The following ATP8A2 variants were observed in gnomAD, a reference collection of about 807,000 sequenced individuals.
The protein encoded by ATP8A2 is ATPase phospholipid transporting 8A2, also known as phospholipid-transporting ATPase IB.
ATP8A2 carries 100 observed loss-of-function variants against 165.6 expected under a neutral mutation model. That is an observed-to-expected ratio of 0.60 (90% CI 0.51 to 0.71). The LOEUF is 0.71. ATP8A2 is among the 30% of genes least tolerant of loss of function. The pLI, the probability that ATP8A2 is intolerant of heterozygous loss-of-function variation, is 0.00. For missense variants in ATP8A2, 1,227 were observed against 1,479.5 expected (o/e 0.83, Z 2.80); for synonymous variants, 543 against 548.8 (o/e 0.99, Z 0.15).
intron 27 of ATP8A2, among the ~76,000 whole-genome samples, chr13:25,820,646 G>T (rs1342772533): frequency 6.6e-6 from 1 of 152,160 alleles, no homozygotes; most frequent in Non-Finnish European, 1.5e-5. Flanking sequence ...ATTGGGTGGT[G>T]CTGTCTTTTT....
chr13:25,945,403 G>A (rs593922), intron 33 of ATP8A2, among the ~76,000 whole-genome samples: 101,966 of 152,138 alleles, frequency 0.67, 34,400 homozygotes, highest in East Asian at 0.78. Context: ...TGGATGTAAC[G>A]TTATTCATTT....
rs545128949 is a variant in ATP8A2, at chr13:25,453,132, C to G, written c.77-15845C>G. On this transcript the variant is annotated intron_variant, in intron 1 of 36. Transcript: ENST00000381655. ...ATAGTGTTATATGAACGTTTCTTTT[C>G]TTTTCTTTTTGAAACGAAGTTTTCG... 1.4e-3 allele frequency among the ~76,000 whole-genome samples: 215 copies of G among 151,720 alleles called. 1 individual carries two copies. The highest frequency in any genetic ancestry group is 5.0e-3 in the African/African-American group (208 of 41,406).
rs116551355 is a variant in ATP8A2 at position 25,813,435 on chromosome 13, A to G, written c.2680-14683A>G. ...ATGATATGATATATGATGGTATGAT[A>G]TGATATGGTGATATGATGATGTGAT... On this transcript the variant is annotated intron_variant, in intron 27 of 36. Coordinates refer to ENST00000381655, the MANE Select transcript of ATP8A2 (RefSeq NM_016529.6). Among the ~76,000 whole-genome samples, 611 of 144,824 alleles carry G rather than the reference A, an allele frequency of 4.2e-3. 3 individuals carry two copies. Among genetic ancestry groups the G allele is most frequent in the African/African-American group, 0.015 (580 of 39,004 alleles).
intron 25 of ATP8A2, among the ~76,000 whole-genome samples, chr13:25,734,909 G>A (rs914295267): frequency 6.6e-6 from 1 of 152,128 alleles, no homozygotes; most frequent in African/African-American, 2.4e-5. Flanking sequence ...AAAGTGCTGG[G>A]ATTACAGGCG....
intron 2 of ATP8A2, among the ~76,000 whole-genome samples, chr13:25,528,241 G>A (rs2037903819): frequency 6.6e-6 from 1 of 152,060 alleles, no homozygotes; most frequent in African/African-American, 2.4e-5. Context: ...GCTAATTCAG[G>A]GATAGTCTTT....
intron 30 of ATP8A2, among the ~76,000 whole-genome samples, chr13:25,847,548 A>T (rs1951895200): frequency 6.6e-6 from 1 of 152,208 alleles, no homozygotes; most frequent in African/African-American, 2.4e-5. Context: ...TGTTGTAAGA[A>T]GTGTGAGCCA....
chr13:25,801,802 T>C (rs1332468309), intron 27 of ATP8A2, among the ~76,000 whole-genome samples: 1 of 152,176 alleles, frequency 6.6e-6, no homozygotes, highest in East Asian at 1.9e-4. Flanking sequence ...TGACTCATAG[T>C]TCTGCATGGC....
rs1335568694 is a variant in ATP8A2, at chr13:25,750,669, G to A, written c.2385-18377G>A. On this transcript the variant is annotated intron_variant, in intron 25 of 36. Coordinates refer to ENST00000381655, the MANE Select transcript of ATP8A2 (RefSeq NM_016529.6). The surrounding 1 kb of genome is among the most constrained non-coding windows in gnomAD (Gnocchi z 4.3). ...GAAGTGTGGGGAGCCTGGGGGCCCT[G>A]TCGGCAGGTACCTCATATGTGTAGT... 6.6e-6 allele frequency among the ~76,000 whole-genome samples: 1 copy of A among 152,168 alleles called. No homozygotes were observed. Among genetic ancestry groups the A allele is most frequent in the African/African-American group, 2.4e-5 (1 of 41,442 alleles).
chr13:25,683,316 C>T (rs1012347849), intron 24 of ATP8A2, among the ~76,000 whole-genome samples: 2 of 152,158 alleles, frequency 1.3e-5, no homozygotes, highest in Non-Finnish European at 2.9e-5. Flanking sequence ...TCACCACTGT[C>T]CCTGTGGACT....
At position 25,862,351 on chromosome 13, in the gene ATP8A2, T is replaced by G. The variant is rs758599511; in HGVS notation, c.3126T>G (p.Phe1042Leu). ...WGSMLTWLVF[F>L]GIYSTIWPTI... Reference sequence around the variant, plus strand: ...GCATGCTGACCTGGCTGGTGTTTTTTGGCATCTACTCGACCATCTGGCCCA... The same window carrying G: ...GCATGCTGACCTGGCTGGTGTTTTTGGGCATCTACTCGACCATCTGGCCCA... The change falls in exon 33 of 37, where the codon TTT (phenylalanine) becomes TTG (leucine). Residue 1042 changes from phenylalanine to leucine, a missense_variant. Physicochemically the swap from Phe to Leu is conservative, Grantham distance 22. Coordinates refer to ENST00000381655, the MANE Select transcript of ATP8A2 (RefSeq NM_016529.6). The G allele has an allele frequency of 4.3e-6, 7 of 1,614,156 alleles. No homozygotes were observed. Among genetic ancestry groups the G allele is most frequent in the Non-Finnish European group, 5.9e-6 (7 of 1,179,994 alleles).
intron 27 of ATP8A2, among the ~76,000 whole-genome samples, chr13:25,795,128 G>T (rs1031392960): frequency 1.1e-4 from 17 of 152,082 alleles, no homozygotes; most frequent in African/African-American, 3.9e-4. Context: ...TGGAAAAGTT[G>T]TACTTTATAT....
intron 6 of ATP8A2, among the ~76,000 whole-genome samples, chr13:25,536,868 G>A (rs991515888): frequency 2.6e-5 from 4 of 152,166 alleles, no homozygotes; most frequent in Admixed American, 6.5e-5. Flanking sequence ...GCCAGGTGCC[G>A]TGTATACTTC....
chr13:25,446,927 C>T (rs746852517), intron 1 of ATP8A2, among the ~76,000 whole-genome samples: 4 of 152,132 alleles, frequency 2.6e-5, no homozygotes, highest in African/African-American at 7.2e-5. Context: ...GCAACCATGG[C>T]TCACTGCACC....
At chr13:25,526,565 A>C (rs2037847400) in intron 2 of ATP8A2, among the ~76,000 whole-genome samples, 2 of 152,192 alleles carry the variant, frequency 1.3e-5, no homozygotes, top group African/African-American at 4.8e-5. Context: ...CCACTCTAAT[A>C]AACAATTGGA....
At position 25,762,268 on chromosome 13, in the gene ATP8A2, CAAAAAAAAAAAA is replaced by C. The variant is rs59081934; in HGVS notation, c.2385-6761_2385-6750del. Among the ~76,000 whole-genome samples, 83 of 41,314 alleles carry C rather than the reference CAAAAAAAAAAAA, an allele frequency of 2.0e-3. 2 individuals carry two copies. The highest frequency in any genetic ancestry group is 3.3e-3 in the Admixed American group (6 of 1,812). 27.1% of individuals were successfully genotyped at this position (41,314 alleles called of 152,430 possible). ...TGGGTGATGGAGTGAGACTCTGTCT[CAAAAAAAAAAAA>C]AAAAAAAAAAAAAAAAGCTGTCCCA... On this transcript the variant is annotated intron_variant, in intron 25 of 36. Coordinates refer to ENST00000381655, the MANE Select transcript of ATP8A2 (RefSeq NM_016529.6).
At chr13:25,793,385 G>A (rs2045232247) in intron 27 of ATP8A2, among the ~76,000 whole-genome samples, 1 of 152,146 alleles carries the variant, frequency 6.6e-6, no homozygotes, top group African/African-American at 2.4e-5. Flanking sequence ...AATATTTTAT[G>A]AAAACCTGCC....
At chr13:25,932,779 C>T (rs1954800041) in intron 33 of ATP8A2, among the ~76,000 whole-genome samples, 1 of 152,178 alleles carries the variant, frequency 6.6e-6, no homozygotes, top group African/African-American at 2.4e-5. Flanking sequence ...GTTAATGCCC[C>T]CCAAATTTCA....
rs1356511660 is a variant in ATP8A2, at chr13:25,636,832, C to G, written c.2211+47133C>G. On this transcript the variant is annotated intron_variant, in intron 24 of 36. Coordinates refer to ENST00000381655, the MANE Select transcript of ATP8A2 (RefSeq NM_016529.6). The stretch of plus-strand genomic sequence containing the variant: ...TTGTGGCTGGGTGTGGTACCTCATG[C>G]CTGTGATCCCAATACTTTGGGAGAC... 4.6e-5 allele frequency among the ~76,000 whole-genome samples: 7 copies of G among 152,200 alleles called. No individual in the cohort carries two copies. The East Asian group carries it at 1.2e-3, about 25-fold the overall frequency.
chr13:25,888,141 G>GT (rs1014379253), intron 33 of ATP8A2, among the ~76,000 whole-genome samples: 1 of 144,672 alleles, frequency 6.9e-6, no homozygotes, highest in Non-Finnish European at 1.5e-5. Flanking sequence ...CTTAACAAGG[G>GT]TAGCACAGCA....
Sources: gnomAD v4.1 joint callset for allele counts (sites outside exome capture counted in the v4.1 genomes callset) on GRCh38, gnomAD v4.1.1 for gene constraint, Gnocchi (gnomAD v3.1) non-coding constraint, MANE v1.5 for transcripts, NCBI Gene and HGNC (gene_info 2026-07-23, HGNC 2026-07-21) for gene names.